The following PARD3 variants were observed in gnomAD, a reference collection of about 807,000 sequenced individuals.
The protein encoded by PARD3 is partitioning defective 3 homolog.
PARD3 carries 75 observed loss-of-function variants against 155.4 expected under a neutral mutation model. The observed-to-expected ratio is 0.48, with a 90% CI of 0.40 to 0.58. The LOEUF (loss-of-function observed/expected upper bound fraction) is 0.58, where lower values mean the gene tolerates loss of function less well. Among genes scored for constraint, PARD3 ranks in the 20% least tolerant of loss-of-function variants. The probability of loss-of-function intolerance (pLI) is 0.00; values close to 1 mark genes in which losing one functional copy is unlikely to be tolerated. For synonymous variants in PARD3, 576 were observed against 610.5 expected (o/e 0.94, Z 0.83); for missense variants, 1,642 against 1,721.7 (o/e 0.95, Z 0.82).
intron 2 of PARD3, among the ~76,000 whole-genome samples, chr10:34,534,977 A>C (rs1191036609): frequency 1.3e-5 from 2 of 152,148 alleles, no homozygotes; most frequent in African/African-American, 2.4e-5. Context: ...ATGCCACTGC[A>C]CTCTAGCCTG....
At chr10:34,125,106 C>T (rs1463139349) in intron 23 of PARD3, among the ~76,000 whole-genome samples, 5 of 145,240 alleles carry the variant, frequency 3.4e-5, no homozygotes, top group African/African-American at 5.5e-5. Context: ...TTGCTCTTGT[C>T]GCCAAGTTAG....
chr10:34,768,942 CA>C (rs374645423), intron 1 of PARD3, among the ~76,000 whole-genome samples: 218 of 152,314 alleles, frequency 1.4e-3, no homozygotes, highest in African/African-American at 5.0e-3. Context: ...CCTCGGTGCC[CA>C]AACTTTACCG....
chr10:34,685,905 A>T (rs1170808642), intron 2 of PARD3, among the ~76,000 whole-genome samples: 2 of 151,984 alleles, frequency 1.3e-5, no homozygotes, highest in South Asian at 4.1e-4. Flanking sequence ...TTCTGCAATC[A>T]TTTTAAAATT....
At chr10:34,477,162 G>C (rs1446672375) in intron 3 of PARD3, among the ~76,000 whole-genome samples, 2 of 152,142 alleles carry the variant, frequency 1.3e-5, no homozygotes, top group Non-Finnish European at 2.9e-5. Flanking sequence ...ACAGTAATTA[G>C]AAATAATAGG....
At chr10:34,553,115 G>A (rs1047593165) in intron 2 of PARD3, among the ~76,000 whole-genome samples, 1 of 152,174 alleles carries the variant, frequency 6.6e-6, no homozygotes, top group African/African-American at 2.4e-5. Flanking sequence ...TTAGCAGAAC[G>A]GAGGTTAATC....
intron 22 of PARD3, among the ~76,000 whole-genome samples, chr10:34,207,905 A>T (rs35879916): frequency 0.15 from 22,181 of 152,252 alleles, 2,176 homozygotes; most frequent in Middle Eastern, 0.29. Context: ...GTCAGAAAAT[A>T]GACATTTTTC....
intron 1 of PARD3, 128 bp from the exon 2 acceptor site, chr10:34,696,547 G>C (rs1205387482): frequency 9.1e-6 from 6 of 657,280 alleles, no homozygotes; most frequent in East Asian, 2.6e-5. Flanking sequence ...TACTGCAACT[G>C]ATTAAAAATT....
In PARD3 at chr10:34,423,339, T is replaced by C. The variant is rs554029905; in HGVS notation, c.715-21422A>G. Among the ~76,000 whole-genome samples, 3 of 152,172 alleles carry C rather than the reference T, an allele frequency of 2.0e-5. No homozygotes were observed. The South Asian group carries it at 6.2e-4, about 32-fold the overall frequency. On this transcript the variant is annotated intron_variant, in intron 5 of 24. Transcript: ENST00000374788. Reference sequence around the variant, plus strand: ...TAGGGGGATGGTGGGTGGGGATGTGTTGGTAAAAGTATACAAAATTTCCAT... The same window carrying C: ...TAGGGGGATGGTGGGTGGGGATGTGCTGGTAAAAGTATACAAAATTTCCAT...
chr10:34,652,597 G>A (rs183639498), intron 2 of PARD3, among the ~76,000 whole-genome samples: 43 of 152,150 alleles, frequency 2.8e-4, no homozygotes, highest in Admixed American at 2.6e-3. Flanking sequence ...CGGATGGATC[G>A]GCCTCACATA....
chr10:34,352,822 C>T (rs902291813), intron 14 of PARD3, among the ~76,000 whole-genome samples: 10 of 150,976 alleles, frequency 6.6e-5, no homozygotes, highest in African/African-American at 2.4e-4. Flanking sequence ...TGGGATGTGA[C>T]GAGCCCCTCT....
chr10:34,660,812 A>T (rs1435665883), intron 2 of PARD3, among the ~76,000 whole-genome samples: 1 of 152,176 alleles, frequency 6.6e-6, no homozygotes, highest in Non-Finnish European at 1.5e-5. Context: ...CTAAGGCACA[A>T]AACAGAAGCT....
chr10:34,220,263 A>G (rs1296949366), intron 22 of PARD3, among the ~76,000 whole-genome samples: 1 of 152,202 alleles, frequency 6.6e-6, no homozygotes, highest in African/African-American at 2.4e-5. Context: ...GGAACCACAG[A>G]GACGATAGGG....
rs994585526 is a variant in PARD3, at chr10:34,111,302, T to C, written c.3929A>G (p.Tyr1310Cys). The C allele has an allele frequency of 3.7e-6, 6 of 1,614,060 alleles. No homozygotes were observed. The Admixed American group carries it at 1.0e-4, about 27-fold the overall frequency. The change falls in exon 25 of 25, where the codon TAT (tyrosine) becomes TGT (cysteine). Residue 1310 changes from tyrosine to cysteine, a missense_variant. Tyr to Cys is a radical substitution (Grantham distance 194, BLOSUM62 -2). Transcript: ENST00000374788. ...GTAACTGGGGTCCTGGACTTTCTTA[T>C]ACGAGTCATAGTTGCTGGGCCCCTC... ...PSEGPSNYDS[Y>C]KKVQDPSYAP... is the part of the protein sequence containing the mutation.
intron 2 of PARD3, among the ~76,000 whole-genome samples, chr10:34,603,716 G>C (rs1272078545): frequency 6.6e-6 from 1 of 152,198 alleles, no homozygotes; most frequent in East Asian, 1.9e-4. Context: ...AGAAGGATCA[G>C]AGGAGGCAGA....
At chr10:34,183,098 G>A (rs1402375487) in intron 22 of PARD3, among the ~76,000 whole-genome samples, 1 of 152,174 alleles carries the variant, frequency 6.6e-6, no homozygotes, top group African/African-American at 2.4e-5. Context: ...CAAGTCTAAC[G>A]GGGAGCAAGA....
intron 22 of PARD3, among the ~76,000 whole-genome samples, chr10:34,188,011 C>T (rs1299758699): frequency 4.6e-5 from 7 of 152,160 alleles, no homozygotes; most frequent in Non-Finnish European, 1.0e-4. Flanking sequence ...TTAGAACACT[C>T]GCCAATTGAT....
intron 22 of PARD3, among the ~76,000 whole-genome samples, chr10:34,159,662 A>G (rs1308357046): frequency 2.0e-5 from 3 of 152,252 alleles, no homozygotes; most frequent in Non-Finnish European, 2.9e-5. Flanking sequence ...GTCCTTATCC[A>G]TTAGTGTATC....
chr10:34,390,487 T>C (rs961497172), intron 7 of PARD3, among the ~76,000 whole-genome samples: 3 of 152,204 alleles, frequency 2.0e-5, no homozygotes, highest in African/African-American at 4.8e-5. Context: ...CCTTGCTAAA[T>C]GATTTACATA....
chr10:34,192,625 A>G (rs530039078), intron 22 of PARD3, among the ~76,000 whole-genome samples: 1 of 152,276 alleles, frequency 6.6e-6, no homozygotes, highest in East Asian at 1.9e-4. Flanking sequence ...TGGAGGTTGG[A>G]CTGGACTCAC....
Sources: allele counts gnomAD v4.1 joint callset (sites outside exome capture counted in the v4.1 genomes callset), GRCh38; gene constraint gnomAD v4.1.1; transcripts MANE v1.5; gene names NCBI Gene and HGNC (gene_info 2026-07-23, HGNC 2026-07-21).